The following CHST9 variants were observed in gnomAD, a reference collection of about 807,000 sequenced individuals.
The protein encoded by CHST9 is GalNAc-4-sulfotransferase 2.
A neutral mutation model predicts 44.4 loss-of-function variants in CHST9; 41 were observed. That is an observed-to-expected ratio of 0.92 (90% CI 0.72 to 1.20). The LOEUF is 1.20. CHST9 is among the 50% of genes most tolerant of loss of function. The pLI is 0.00. For synonymous variants in CHST9, 171 were observed against 178.4 expected (o/e 0.96, Z 0.33); for missense variants, 504 against 516.5 (o/e 0.98, Z 0.23).
chr18:27,090,637 G>C (rs2058059114), intron 2 of CHST9, among the ~76,000 whole-genome samples: 1 of 152,214 alleles, frequency 6.6e-6, no homozygotes, highest in South Asian at 2.1e-4. Context: ...GTGTAAGGAA[G>C]GGATCCAGTT....
chr18:26,990,042 C>A (rs2056798232), intron 4 of CHST9, among the ~76,000 whole-genome samples: 1 of 152,020 alleles, frequency 6.6e-6, no homozygotes, highest in African/African-American at 2.4e-5. Context: ...ATATCCAACA[C>A]AATGGAAAAC....
chr18:27,050,322 T>C (rs2057550458), intron 2 of CHST9, among the ~76,000 whole-genome samples: 1 of 152,174 alleles, frequency 6.6e-6, no homozygotes, highest in African/African-American at 2.4e-5. Context: ...ACTGTGTACC[T>C]GGGCAATGGT....
intron 4 of CHST9, among the ~76,000 whole-genome samples, chr18:26,994,171 T>C (rs1001601099): frequency 5.9e-5 from 9 of 152,216 alleles, no homozygotes; most frequent in Non-Finnish European, 1.0e-4. Flanking sequence ...TACAAGGGGT[T>C]AGGAATTCAA....
intron 3 of CHST9, 65 bp downstream of exon 3, chr18:27,048,400 T>A (rs934968029): frequency 4.8e-5 from 62 of 1,297,570 alleles, no homozygotes; most frequent in African/African-American, 1.2e-4. Context: ...TAATAAATTT[T>A]AAAAAATTTA....
At chr18:27,087,978 G>A (rs541971572) in intron 2 of CHST9, among the ~76,000 whole-genome samples, 17 of 152,308 alleles carry the variant, frequency 1.1e-4, no homozygotes, top group Admixed American at 7.2e-4. Context: ...TCTCCCACTT[G>A]ATGACTTGTC....
chr18:26,920,447 A>G (rs2055627804), intron 5 of CHST9, among the ~76,000 whole-genome samples: 1 of 152,100 alleles, frequency 6.6e-6, no homozygotes. Flanking sequence ...TATTTTTCTC[A>G]TAGCACTAAT....
intron 4 of CHST9, among the ~76,000 whole-genome samples, chr18:26,951,150 A>G (rs1208241436): frequency 1.3e-5 from 2 of 152,210 alleles, no homozygotes; most frequent in East Asian, 3.9e-4. Context: ...ACTTCTGTGC[A>G]TTCATGAGCT....
chr18:27,144,211 G>A (rs1204756889), intron 1 of CHST9, among the ~76,000 whole-genome samples: 2 of 152,188 alleles, frequency 1.3e-5, no homozygotes, highest in Non-Finnish European at 2.9e-5. Context: ...GCACATTGCT[G>A]CATCAAAAAG....
chr18:26,967,188 C>T (rs1400104374), intron 4 of CHST9, among the ~76,000 whole-genome samples: 1 of 152,132 alleles, frequency 6.6e-6, no homozygotes, highest in African/African-American at 2.4e-5. Context: ...GTCACACCCC[C>T]TATGTCTTTA....
intron 5 of CHST9, among the ~76,000 whole-genome samples, chr18:26,929,218 T>C (rs1323617957): frequency 2.0e-5 from 3 of 152,278 alleles, no homozygotes; most frequent in Admixed American, 6.5e-5. Flanking sequence ...TATAGATCTG[T>C]GGGAATTCTG....
rs59733681 is a variant in CHST9, at chr18:27,053,300, G to C, written c.122-4797C>G. 1.6e-3 allele frequency among the ~76,000 whole-genome samples: 193 copies of C among 123,186 alleles called. 3 individuals are homozygous for C. The highest frequency in any genetic ancestry group is 3.4e-3 in the East Asian group (12 of 3,560). The allele number at this position is 123,186 out of a possible 152,430, so 80.8% of individuals were successfully genotyped here. ...AGAAGGAGAAGGAGAAGGAGAAGGA[G>C]AAGGAGAAGGAGAAGGAGAAGGAGA... On this transcript the variant is annotated intron_variant, in intron 2 of 5. Transcript: ENST00000618847.
At chr18:26,994,335 A>T (rs372816377) in intron 4 of CHST9, among the ~76,000 whole-genome samples, 94 of 152,306 alleles carry the variant, frequency 6.2e-4, no homozygotes, top group African/African-American at 2.1e-3. Flanking sequence ...GTGACCTAAT[A>T]CATAACAGTT....
At chr18:27,170,678 A>C (rs890619528) in intron 1 of CHST9, among the ~76,000 whole-genome samples, 2 of 152,220 alleles carry the variant, frequency 1.3e-5, no homozygotes, top group African/African-American at 4.8e-5. Flanking sequence ...TGATGAAGTA[A>C]AGGCTTTTTT....
chr18:27,152,307 C>T (rs2058665757), intron 1 of CHST9, among the ~76,000 whole-genome samples: 1 of 151,334 alleles, frequency 6.6e-6, no homozygotes, highest in African/African-American at 2.4e-5. Context: ...AAGTTTTAAA[C>T]TCATATTTTA....
At chr18:27,116,083 G>A (rs1434092380) in intron 2 of CHST9, among the ~76,000 whole-genome samples, 1 of 151,974 alleles carries the variant, frequency 6.6e-6, no homozygotes, top group Non-Finnish European at 1.5e-5. Context: ...CCCATCCTTT[G>A]GGTTGTCTTT....
intron 4 of CHST9, among the ~76,000 whole-genome samples, chr18:26,956,448 T>A (rs1327580977): frequency 6.8e-6 from 1 of 147,436 alleles, no homozygotes; most frequent in Non-Finnish European, 1.5e-5. Context: ...AAAAATAATA[T>A]AATTGTGTAC....
At chr18:27,129,631 G>A (rs2058455235) in intron 2 of CHST9, among the ~76,000 whole-genome samples, 2 of 152,228 alleles carry the variant, frequency 1.3e-5, no homozygotes, top group East Asian at 1.9e-4. Flanking sequence ...GACCTCAAAT[G>A]TTCCATCAGC....
intron 5 of CHST9, among the ~76,000 whole-genome samples, chr18:26,931,695 A>G (rs947512387): frequency 6.6e-6 from 1 of 151,944 alleles, no homozygotes; most frequent in African/African-American, 2.4e-5. Context: ...GTTACAGGAG[A>G]CCTCCTGAAG....
chr18:26,941,721 T>G (rs2145111434), intron 5 of CHST9, among the ~76,000 whole-genome samples: 1 of 152,310 alleles, frequency 6.6e-6, no homozygotes, highest in Middle Eastern at 3.4e-3. Context: ...CCTGTTCTCG[T>G]AAACAAGCTG....
Sources: allele counts gnomAD v4.1 joint callset (sites outside exome capture counted in the v4.1 genomes callset), GRCh38; gene constraint gnomAD v4.1.1; transcripts MANE v1.5; gene names NCBI Gene and HGNC (gene_info 2026-07-23, HGNC 2026-07-21).